The following LCLAT1 variants were observed in gnomAD, a reference collection of about 807,000 sequenced individuals.
The protein encoded by LCLAT1 is 1-AGP acyltransferase 8.
Under a neutral mutation model 30.7 loss-of-function variants are expected in LCLAT1, and 11 were observed. The observed-to-expected ratio is 0.36, with a 90% confidence interval of 0.23 to 0.59. LCLAT1 has a LOEUF of 0.59. Ranked by LOEUF, LCLAT1 falls within the 20% of genes least tolerant of loss-of-function variation. The pLI is 0.77. For synonymous variants in LCLAT1, 155 were observed against 151.3 expected (o/e 1.02, Z -0.18); for missense variants, 402 against 458.6 (o/e 0.88, Z 1.13).
At chr2:30,455,647 C>T (rs1387435857) in intron 1 of LCLAT1, among the ~76,000 whole-genome samples, 1 of 152,060 alleles carries the variant, frequency 6.6e-6, no homozygotes, top group Non-Finnish European at 1.5e-5. Context: ...CGCCTGTAAT[C>T]CCAGGACTCT....
chr2:30,620,927 A>G lies in LCLAT1; in HGVS notation c.629-19190A>G, dbSNP rs111229667. Among the ~76,000 whole-genome samples, 17 of 152,272 alleles carry G rather than the reference A, an allele frequency of 1.1e-4. No individual in the cohort carries two copies. In the East Asian group the frequency reaches 2.3e-3, roughly 21 times the overall value. On this transcript the variant is annotated intron_variant, in intron 5 of 5. Coordinates refer to ENST00000379509, the MANE Select transcript of LCLAT1 (RefSeq NM_001002257.3). ...CTGGGATACTTTAGCTTGTCACTGC[A>G]TAACTCCAACCTTTGCCTCTGTCTT...
At chr2:30,597,480 T>C (rs1666974944) in intron 5 of LCLAT1, among the ~76,000 whole-genome samples, 1 of 152,186 alleles carries the variant, frequency 6.6e-6, no homozygotes, top group Non-Finnish European at 1.5e-5. Context: ...TTGTGACTTT[T>C]GCACATTGAT....
At chr2:30,512,377 T>G (rs1184643226) in intron 1 of LCLAT1, among the ~76,000 whole-genome samples, 1 of 152,198 alleles carries the variant, frequency 6.6e-6, no homozygotes, top group Non-Finnish European at 1.5e-5. Context: ...CTCTTTGCCC[T>G]CTGGACACGC....
chr2:30,566,786 G>A (rs62139627), intron 4 of LCLAT1, among the ~76,000 whole-genome samples: 1 of 152,274 alleles, frequency 6.6e-6, no homozygotes, highest in East Asian at 1.9e-4. Flanking sequence ...TGTATTTGCT[G>A]AATAATGGGT....
At chr2:30,605,924 G>T (rs555598681) in intron 5 of LCLAT1, 4 of 875,692 alleles carry the variant, frequency 4.6e-6, no homozygotes, top group Non-Finnish European at 6.0e-6. Flanking sequence ...CATAAGGAGC[G>T]CGCAACCTAG....
At position 30,565,077 on chromosome 2, in the gene LCLAT1, T is replaced by A. The variant is rs17009775; in HGVS notation, c.511+2785T>A. Among the ~76,000 whole-genome samples the A allele has an allele frequency of 3.8e-3, 578 of 152,122 alleles. 5 individuals carry two copies. The highest frequency in any genetic ancestry group is 0.013 in the African/African-American group (543 of 41,494). ...TACATATGTCTTCGTTATTCTTGGG[T>A]TAGGGAGTTCTATATTGTATTGGCA... On this transcript the variant is annotated intron_variant, in intron 4 of 5. Transcript: ENST00000379509.
chr2:30,531,103 A>T (rs994006824), intron 2 of LCLAT1, among the ~76,000 whole-genome samples: 3 of 152,070 alleles, frequency 2.0e-5, no homozygotes, highest in Middle Eastern at 3.2e-3. Context: ...GTCTCTACTG[A>T]AAATACAAAA....
At chr2:30,495,850 G>T (rs563327100) in intron 1 of LCLAT1, among the ~76,000 whole-genome samples, 1 of 152,240 alleles carries the variant, frequency 6.6e-6, no homozygotes, top group African/African-American at 2.4e-5. Flanking sequence ...TTTTGATGAG[G>T]TAGGTGGTTA....
intron 3 of LCLAT1, among the ~76,000 whole-genome samples, chr2:30,561,590 CTGAT>C: frequency 6.6e-6 from 1 of 152,270 alleles, no homozygotes; most frequent in Non-Finnish European, 1.5e-5. Context: ...AGTGTACACT[CTGAT>C]TAATGTGTTT....
intron 4 of LCLAT1, among the ~76,000 whole-genome samples, chr2:30,566,584 C>T (rs1665493062): frequency 1.3e-5 from 2 of 152,054 alleles, no homozygotes; most frequent in South Asian, 4.1e-4. Context: ...TTTGAGGACT[C>T]CGTGATCTTA....
chr2:30,476,630 A>T (rs188698268), intron 1 of LCLAT1: 5 of 420,974 alleles, frequency 1.2e-5, no homozygotes, highest in African/African-American at 8.2e-5. Flanking sequence ...CGATTCTACC[A>T]TTATGGTGAG....
rs542614953 is a variant in LCLAT1 at position 30,495,501 on chromosome 2, AAGG to A, written c.-4-30083_-4-30081del. Among the ~76,000 whole-genome samples, 6 of 152,312 alleles carry A rather than the reference AAGG, an allele frequency of 3.9e-5. No homozygotes were observed. The South Asian group carries it at 8.3e-4, about 21-fold the overall frequency. On this transcript the variant is annotated intron_variant, in intron 1 of 5. Coordinates refer to ENST00000379509, the MANE Select transcript of LCLAT1 (RefSeq NM_001002257.3). ...TAATTGCAATATAAAGGAAAAATAA[AAGG>A]AGTATAATTTAAAATACAGTATAAG...
At chr2:30,631,240 G>A (rs1032640216) in intron 5 of LCLAT1, among the ~76,000 whole-genome samples, 11 of 152,146 alleles carry the variant, frequency 7.2e-5, no homozygotes, top group African/African-American at 2.4e-4. Flanking sequence ...TTCTGTATGT[G>A]GTTTTCTTAG....
chr2:30,534,541 G>T (rs1686146798), intron 3 of LCLAT1, among the ~76,000 whole-genome samples: 1 of 152,202 alleles, frequency 6.6e-6, no homozygotes, highest in Non-Finnish European at 1.5e-5. Context: ...GCCTCCCAAA[G>T]TGCTGGAACA....
chr2:30,485,859 T>G (rs557778626), intron 1 of LCLAT1, among the ~76,000 whole-genome samples: 1 of 152,322 alleles, frequency 6.6e-6, no homozygotes, highest in South Asian at 2.1e-4. Flanking sequence ...TACTGCTTTC[T>G]TAAACTCCCT....
chr2:30,556,849 G>A (rs1264664439), intron 3 of LCLAT1, among the ~76,000 whole-genome samples: 3 of 150,862 alleles, frequency 2.0e-5, no homozygotes, highest in Non-Finnish European at 2.9e-5. Flanking sequence ...GGGTTCAAGC[G>A]ATCTCCTGCC....
At chr2:30,543,057 G>C (rs1312832897) in intron 3 of LCLAT1, among the ~76,000 whole-genome samples, 1 of 150,900 alleles carries the variant, frequency 6.6e-6, no homozygotes, top group Non-Finnish European at 1.5e-5. Flanking sequence ...ATGTTAGGTA[G>C]AAAGCTTTGA....
chr2:30,463,786 C>A (rs1314850160), intron 1 of LCLAT1, among the ~76,000 whole-genome samples: 2 of 152,170 alleles, frequency 1.3e-5, no homozygotes, highest in South Asian at 2.1e-4. Context: ...ACAGATCCCC[C>A]ATGGATATTA....
rs1558561322 is a variant in LCLAT1 at position 30,620,146 on chromosome 2, T to C, written c.629-19971T>C. Among the ~76,000 whole-genome samples, 3 of 152,304 alleles carry C rather than the reference T, an allele frequency of 2.0e-5. No homozygotes were observed. In the East Asian group the frequency reaches 5.8e-4, roughly 29 times the overall value. ...TTAAGCAAAAAAACCTAGGGTTTTA[T>C]CTGATTCCAGAACCCAGCTCTTGAA... On this transcript the variant is annotated intron_variant, in intron 5 of 5. Coordinates refer to ENST00000379509, the MANE Select transcript of LCLAT1 (RefSeq NM_001002257.3).
Sources: gnomAD v4.1 joint callset for allele counts (sites outside exome capture counted in the v4.1 genomes callset) on GRCh38, gnomAD v4.1.1 for gene constraint, MANE v1.5 for transcripts, NCBI Gene and HGNC (gene_info 2026-07-23, HGNC 2026-07-21) for gene names.